The following CPVL variants were observed in gnomAD, a reference collection of about 807,000 sequenced individuals.
CPVL encodes the protein carboxypeptidase vitellogenic like.
A neutral mutation model predicts 63.7 loss-of-function variants in CPVL; 51 were observed. The observed-to-expected ratio is 0.80, with a 90% CI of 0.64 to 1.01. The LOEUF is 1.01. Ranked by LOEUF, CPVL falls within the 50% of genes least tolerant of loss-of-function variation. CPVL has a pLI of 0.00. For missense variants in CPVL, 530 were observed against 573.1 expected (o/e 0.92, Z 0.77); for synonymous variants, 195 against 206.0 (o/e 0.95, Z 0.46).
chr7:29,111,972 T>C (rs1164209411), intron 3 of CPVL, among the ~76,000 whole-genome samples: 1 of 152,236 alleles, frequency 6.6e-6, no homozygotes, highest in Non-Finnish European at 1.5e-5. Context: ...CTTCCAGCAA[T>C]ACCCGCAACA....
At chr7:29,103,523 G>C (rs1430562434) in intron 3 of CPVL, among the ~76,000 whole-genome samples, 3 of 151,720 alleles carry the variant, frequency 2.0e-5, no homozygotes, top group African/African-American at 7.3e-5. Flanking sequence ...AAAGTGCTGG[G>C]ATTACAGGCA....
At chr7:29,114,091 C>T (rs1393908222) in intron 2 of CPVL, among the ~76,000 whole-genome samples, 1 of 152,126 alleles carries the variant, frequency 6.6e-6, no homozygotes, top group Non-Finnish European at 1.5e-5. Context: ...TTTCCCAGCT[C>T]AGCATTCAGA....
intron 9 of CPVL, among the ~76,000 whole-genome samples, chr7:29,070,160 C>T (rs1217601641): frequency 1.3e-5 from 2 of 152,164 alleles, no homozygotes; most frequent in Non-Finnish European, 2.9e-5. Context: ...AGCCTTCAAA[C>T]GTTTTACCTG....
chr7:29,076,070 T>C (rs1292841245), intron 7 of CPVL, among the ~76,000 whole-genome samples: 2 of 148,958 alleles, frequency 1.3e-5, no homozygotes, highest in Admixed American at 6.9e-5. Flanking sequence ...AGGTAATAAA[T>C]CAAGTGTGTT....
At chr7:29,053,536 C>T (rs530212728) in intron 11 of CPVL, among the ~76,000 whole-genome samples, 1 of 152,132 alleles carries the variant, frequency 6.6e-6, no homozygotes, top group African/African-American at 2.4e-5. Flanking sequence ...ATAGGCAAAT[C>T]CATACAGACA....
At chr7:28,998,800 C>T (rs1174454163) in intron 12 of CPVL, among the ~76,000 whole-genome samples, 4 of 151,984 alleles carry the variant, frequency 2.6e-5, no homozygotes, top group Non-Finnish European at 5.9e-5. Flanking sequence ...GATCCCATCT[C>T]TAAATATAAA....
At chr7:29,174,123 G>C (rs1043125587) in intron 5 of CPVL, among the ~76,000 whole-genome samples, 2 of 152,062 alleles carry the variant, frequency 1.3e-5, no homozygotes, top group Admixed American at 1.3e-4. Context: ...AGGGCAAAAG[G>C]CTGGAGAGAC....
At chr7:29,173,790 A>T (rs1274611165) in intron 5 of CPVL, among the ~76,000 whole-genome samples, 1 of 151,608 alleles carries the variant, frequency 6.6e-6, no homozygotes, top group Non-Finnish European at 1.5e-5. Flanking sequence ...AAAAAAAAAA[A>T]ATTAGTCGAG....
intron 12 of CPVL, among the ~76,000 whole-genome samples, chr7:28,999,025 C>T (rs893721062): frequency 1.3e-5 from 2 of 151,218 alleles, no homozygotes; most frequent in Admixed American, 6.6e-5. Context: ...GCCAACATGG[C>T]GAAACCCTGC....
At chr7:29,092,735 C>G in intron 5 of CPVL, 33 bp from the exon 6 acceptor site, 1 of 1,442,100 alleles carries the variant, frequency 6.9e-7, no homozygotes, top group Non-Finnish European at 9.8e-7. Context: ...GGTATAAACA[C>G]AGAGAAACAC....
intron 11 of CPVL, among the ~76,000 whole-genome samples, chr7:29,038,941 C>G (rs923904231): frequency 6.6e-6 from 1 of 152,172 alleles, no homozygotes; most frequent in Non-Finnish European, 1.5e-5. Context: ...AGATCTCTGC[C>G]TATTCAACAG....
At chr7:29,051,254 A>G (rs531108847) in intron 11 of CPVL, among the ~76,000 whole-genome samples, 2 of 152,350 alleles carry the variant, frequency 1.3e-5, no homozygotes, top group African/African-American at 4.8e-5. Context: ...AATAGCTGGG[A>G]CTTAATTAAA....
intron 6 of CPVL, among the ~76,000 whole-genome samples, chr7:29,092,370 C>T (rs1170751518): frequency 6.6e-6 from 1 of 152,038 alleles, no homozygotes; most frequent in African/African-American, 2.4e-5. Flanking sequence ...TGTCTCCCTG[C>T]AAATGCAAAG....
At chr7:28,999,068 C>G (rs1023949812) in intron 12 of CPVL, among the ~76,000 whole-genome samples, 4 of 151,712 alleles carry the variant, frequency 2.6e-5, no homozygotes, top group Non-Finnish European at 4.4e-5. Context: ...AAAAATTAGC[C>G]AGGCATGGTG....
intron 5 of CPVL, among the ~76,000 whole-genome samples, chr7:29,152,249 A>C (rs1339795470): frequency 6.6e-6 from 1 of 152,196 alleles, no homozygotes; most frequent in East Asian, 1.9e-4. Context: ...GTTGCTTTTT[A>C]TGCGTGGCAG....
At chr7:29,163,706 T>C (rs973585405) in intron 5 of CPVL, among the ~76,000 whole-genome samples, 1 of 152,216 alleles carries the variant, frequency 6.6e-6, no homozygotes, top group African/African-American at 2.4e-5. Flanking sequence ...TCCTGCCATC[T>C]CTGTCACCAG....
rs554470897 is a variant in CPVL, at chr7:29,179,081, A to T, written c.-11+2209T>A. Among the ~76,000 whole-genome samples, 11 of 152,236 alleles carry T rather than the reference A, an allele frequency of 7.2e-5. No individual in the cohort carries two copies. In the South Asian group the frequency reaches 2.3e-3, roughly 32 times the overall value. On this transcript the variant is annotated intron_variant, in intron 5 of 16. Coordinates refer to the CPVL transcript ENST00000409850. ...TCTTGGTGTCAGAAAACAGGAGGTGATCCTCCAATATCATGCTGACACACT... is the reference window on the plus strand; with the variant it reads ...TCTTGGTGTCAGAAAACAGGAGGTGTTCCTCCAATATCATGCTGACACACT...
intron 5 of CPVL, among the ~76,000 whole-genome samples, chr7:29,178,944 C>T (rs1797718474): frequency 6.6e-6 from 1 of 152,178 alleles, no homozygotes; most frequent in Admixed American, 6.5e-5. Flanking sequence ...ATTTAAGGGA[C>T]ATTATAGTCC....
chr7:29,070,561 T>C (rs1783635712), intron 9 of CPVL, among the ~76,000 whole-genome samples: 1 of 152,240 alleles, frequency 6.6e-6, no homozygotes, highest in Non-Finnish European at 1.5e-5. Context: ...TGATCCTACA[T>C]GTGCCCCAGG....
Sources: gnomAD v4.1 joint callset for allele counts (sites outside exome capture counted in the v4.1 genomes callset) on GRCh38, gnomAD v4.1.1 for gene constraint, MANE v1.5 for transcripts, NCBI Gene and HGNC (gene_info 2026-07-23, HGNC 2026-07-21) for gene names.